Variants in IL1RAPL1 observed in about 807,000 individuals in gnomAD.
The protein encoded by IL1RAPL1 is interleukin-1 receptor accessory protein-like 1.
In IL1RAPL1, 3 loss-of-function variants were observed where a neutral mutation model predicts 48.4. The observed-to-expected ratio is 0.06, with a 90% CI of 0.03 to 0.16. The LOEUF (loss-of-function observed/expected upper bound fraction) is 0.16. Among genes scored for constraint, IL1RAPL1 ranks in the 10% least tolerant of loss-of-function variants. The probability of loss-of-function intolerance (pLI) is 1.00; values close to 1 mark genes in which losing one functional copy is unlikely to be tolerated. For synonymous variants in IL1RAPL1, 185 were observed against 187.7 expected, an observed-to-expected ratio of 0.99 and a Z score of 0.12; for missense variants, 349 against 530.6, an observed-to-expected ratio of 0.66 and a Z score of 3.36.
chrX:29,176,690 C>A (rs1930031189), intron 2 of IL1RAPL1, among the ~76,000 whole-genome samples: 1 of 110,691 alleles, frequency 9.0e-6, no homozygotes, highest in Non-Finnish European at 1.9e-5. Flanking sequence ...CTTACAAAGA[C>A]AATACGATAC....
intron 6 of IL1RAPL1, among the ~76,000 whole-genome samples, chrX:29,735,853 A>G (rs902945867): frequency 8.9e-6 from 1 of 112,540 alleles, no homozygotes; most frequent in Non-Finnish European, 1.9e-5. Context: ...TATTTCCCCC[A>G]ATGGAAAATC....
intron 6 of IL1RAPL1, among the ~76,000 whole-genome samples, chrX:29,734,331 A>G (rs1256772863): frequency 1.8e-5 from 2 of 112,507 alleles, no homozygotes; most frequent in African/African-American, 6.5e-5. Context: ...TTAACCTTCA[A>G]CACAGATATG....
At chrX:28,886,983 G>A (rs373329898) in intron 2 of IL1RAPL1, among the ~76,000 whole-genome samples, 2 of 112,007 alleles carry the variant, frequency 1.8e-5, no homozygotes, top group Non-Finnish European at 3.8e-5. Context: ...TTTAGGTACA[G>A]TATTTAACTT....
intron 6 of IL1RAPL1, among the ~76,000 whole-genome samples, chrX:29,768,705 T>C (rs1434445595): frequency 4.5e-5 from 5 of 112,094 alleles, no homozygotes; most frequent in Non-Finnish European, 9.4e-5. Flanking sequence ...TGTATTCTAC[T>C]TGCTGTTTTA....
chrX:29,453,145 C>T (rs1392144052), intron 5 of IL1RAPL1, among the ~76,000 whole-genome samples: 1 of 108,847 alleles, frequency 9.2e-6, no homozygotes, highest in Non-Finnish European at 1.9e-5. Context: ...GAGCTGGTCT[C>T]GAACTCCTGA....
At chrX:28,622,364 T>C (rs1463958327) in intron 1 of IL1RAPL1, among the ~76,000 whole-genome samples, 1 of 111,692 alleles carries the variant, frequency 9.0e-6, no homozygotes, top group African/African-American at 3.2e-5. Context: ...AATAAAAAAA[T>C]GAAATGACCT....
chrX:28,874,732 A>G (rs1201477072), intron 2 of IL1RAPL1, among the ~76,000 whole-genome samples: 2 of 112,307 alleles, frequency 1.8e-5, no homozygotes, highest in Non-Finnish European at 3.8e-5. Flanking sequence ...TCATGCTTTC[A>G]TTTAGATTTA....
chrX:29,168,167 A>T (rs969964164), intron 2 of IL1RAPL1, among the ~76,000 whole-genome samples: 5 of 110,186 alleles, frequency 4.5e-5, no homozygotes, highest in African/African-American at 1.6e-4. Flanking sequence ...CAATTTAGAC[A>T]TTTATCATTT....
rs1933400490 is a variant in IL1RAPL1, at chrX:29,955,452, G to A, written c.1723G>A (p.Val575Ile). ...EPITHEQALD[V>I]SEQGPFGELQ... is the part of the protein sequence containing the mutation. Reference sequence around the variant, plus strand: ...CATTACACATGAGCAGGCTTTAGATGTCAGTGAGCAAGGGCCTTTTGGGGA... The same window carrying A: ...CATTACACATGAGCAGGCTTTAGATATCAGTGAGCAAGGGCCTTTTGGGGA... The change falls in exon 11 of 11, where the codon GTC becomes ATC. Residue 575 changes from valine to isoleucine, a missense_variant. By Grantham distance (29) the Val-to-Ile change is conservative. Around this residue, in one of 3 missense-constraint regions of IL1RAPL1, gnomAD observed 46 missense variants for 113.3 expected, o/e 0.41. Transcript: ENST00000378993. 6 of 1,209,274 alleles carry A rather than the reference G, an allele frequency of 5.0e-6. No individual in the cohort carries two copies. The highest frequency in any genetic ancestry group is 3.5e-5 in the African/African-American group (2 of 56,917).
intron 5 of IL1RAPL1, among the ~76,000 whole-genome samples, chrX:29,603,466 A>G (rs1482530046): frequency 8.9e-6 from 1 of 111,750 alleles, no homozygotes; most frequent in East Asian, 2.8e-4. Flanking sequence ...AGGCATTTCA[A>G]CTGTGTTTTC....
chrX:29,625,025 A>G (rs1036172840), intron 5 of IL1RAPL1, among the ~76,000 whole-genome samples: 4 of 111,838 alleles, frequency 3.6e-5, no homozygotes, highest in Non-Finnish European at 5.6e-5. Context: ...TAGTGCTACT[A>G]CTATCTACTA....
chrX:28,737,786 A>G (rs1302491616), intron 1 of IL1RAPL1, among the ~76,000 whole-genome samples: 5 of 112,200 alleles, frequency 4.5e-5, no homozygotes, highest in Admixed American at 1.9e-4. Flanking sequence ...AACTTGGATA[A>G]ACAACTCTTT....
At position 28,675,702 on chromosome X, in the gene IL1RAPL1, G is replaced by A. The variant is rs939152809; in HGVS notation, c.-25+87655G>A. Among the ~76,000 whole-genome samples, 3 of 111,684 alleles carry A rather than the reference G, an allele frequency of 2.7e-5. No individual in the cohort carries two copies. The Admixed American group carries it at 2.9e-4, about 11-fold the overall frequency. On this transcript the variant is annotated intron_variant, in intron 1 of 10. Coordinates refer to ENST00000378993, the MANE Select transcript of IL1RAPL1 (RefSeq NM_014271.4). ...GCTAACTACTGTGGAGAAATATGGGGGTGGGATGAGGAAGGCAGTATTGGA... is the reference window on the plus strand; with the variant it reads ...GCTAACTACTGTGGAGAAATATGGGAGTGGGATGAGGAAGGCAGTATTGGA...
chrX:28,960,136 C>A (rs1199486547), intron 2 of IL1RAPL1, among the ~76,000 whole-genome samples: 1 of 111,586 alleles, frequency 9.0e-6, no homozygotes, highest in African/African-American at 3.2e-5. Context: ...CACGTGTATA[C>A]CTATGTGTTA....
chrX:29,198,168 A>C, intron 2 of IL1RAPL1, among the ~76,000 whole-genome samples: 1 of 112,141 alleles, frequency 8.9e-6, no homozygotes, highest in East Asian at 2.8e-4. Context: ...GTGACAATTT[A>C]ATAAGAGAAC....
intron 9 of IL1RAPL1, among the ~76,000 whole-genome samples, chrX:29,948,453 C>G (rs1933252283): frequency 9.0e-6 from 1 of 111,269 alleles, no homozygotes; most frequent in Non-Finnish European, 1.9e-5. Context: ...ATCATAAAAT[C>G]AAACCATTAA....
intron 6 of IL1RAPL1, among the ~76,000 whole-genome samples, chrX:29,891,542 A>G (rs1601869600): frequency 1.8e-5 from 2 of 112,029 alleles, no homozygotes; most frequent in Non-Finnish European, 3.8e-5. Context: ...AGGGATAATG[A>G]CATGGATGGA....
intron 6 of IL1RAPL1, among the ~76,000 whole-genome samples, chrX:29,791,524 G>T (rs1213302497): frequency 9.5e-6 from 1 of 105,785 alleles, no homozygotes; most frequent in Admixed American, 1.0e-4. Context: ...CAGAGTTCAA[G>T]TGATTCTCCT....
At chrX:29,805,390 TACAC>T (rs1290783367) in intron 6 of IL1RAPL1, among the ~76,000 whole-genome samples, 1 of 108,885 alleles carries the variant, frequency 9.2e-6, no homozygotes, top group Non-Finnish European at 1.9e-5. Flanking sequence ...TCCTATTAGT[TACAC>T]ACGCACACAC....
Sources: allele counts gnomAD v4.1 joint callset (sites outside exome capture counted in the v4.1 genomes callset), GRCh38; gene constraint gnomAD v4.1.1; regional missense constraint gnomAD v4.1.1; transcripts MANE v1.5; gene names NCBI Gene and HGNC (gene_info 2026-07-23, HGNC 2026-07-21).